The following CHN2 variants were observed in gnomAD, a reference collection of about 807,000 sequenced individuals.
CHN2 encodes the protein chimerin 2, also known as beta-chimaerin.
In CHN2, 35 loss-of-function variants were observed where a neutral mutation model predicts 56.3. That is an observed-to-expected ratio of 0.62 (90% CI 0.47 to 0.82). The LOEUF is 0.82. CHN2 is among the 40% of genes least tolerant of loss of function. The pLI, the probability that CHN2 is intolerant of heterozygous loss-of-function variation, is 0.00. For synonymous variants in CHN2, 210 were observed against 212.8 expected (o/e 0.99, Z 0.12); for missense variants, 491 against 580.5 (o/e 0.85, Z 1.58).
chr7:29,363,088 C>G (rs1432346498), intron 2 of CHN2, among the ~76,000 whole-genome samples: 1 of 152,182 alleles, frequency 6.6e-6, no homozygotes, highest in African/African-American at 2.4e-5. Flanking sequence ...GAGATGGCCC[C>G]TTTGACTCCT....
At chr7:29,186,049 T>C (rs1798668630) in intron 2 of CHN2, among the ~76,000 whole-genome samples, 1 of 152,210 alleles carries the variant, frequency 6.6e-6, no homozygotes, top group Non-Finnish European at 1.5e-5. Flanking sequence ...AAGTTCTAAC[T>C]ATGGAACTCT....
At chr7:29,355,093 C>G (rs149106969) in intron 2 of CHN2, among the ~76,000 whole-genome samples, 1 of 151,964 alleles carries the variant, frequency 6.6e-6, no homozygotes, top group Non-Finnish European at 1.5e-5. Flanking sequence ...CTCAGCCTCC[C>G]AAGTAGCTGA....
At chr7:29,405,936 C>T (rs564108770) in intron 6 of CHN2, among the ~76,000 whole-genome samples, 15 of 152,180 alleles carry the variant, frequency 9.9e-5, no homozygotes, top group Non-Finnish European at 2.1e-4. Flanking sequence ...GAGGCCGTGG[C>T]CAGGCCAAGG....
At chr7:29,261,270 G>A (rs760055365) in intron 1 of CHN2, among the ~76,000 whole-genome samples, 2 of 152,206 alleles carry the variant, frequency 1.3e-5, no homozygotes, top group Non-Finnish European at 2.9e-5. Flanking sequence ...AATGACCGGC[G>A]GAGGGGGTTG....
chr7:29,280,713 C>A (rs926814641), intron 1 of CHN2, among the ~76,000 whole-genome samples: 1 of 152,182 alleles, frequency 6.6e-6, no homozygotes, highest in Non-Finnish European at 1.5e-5. Context: ...GGAAAGCCTG[C>A]CAATGGTGTG....
intron 6 of CHN2, among the ~76,000 whole-genome samples, chr7:29,405,207 ACACACACACACACACG>A (rs1802548537): frequency 8.2e-6 from 1 of 122,274 alleles, no homozygotes; most frequent in African/African-American, 3.4e-5. Flanking sequence ...ACACACACAC[ACACACACACACACACG>A]GCAGTTCCAA....
intron 1 of CHN2, among the ~76,000 whole-genome samples, chr7:29,204,047 G>A (rs987814678): frequency 3.3e-5 from 5 of 149,632 alleles, no homozygotes; most frequent in South Asian, 2.1e-4. Context: ...AGGAAACAAA[G>A]CACACGTTTT....
chr7:29,405,970 C>T lies in CHN2; in HGVS notation c.576+5142C>T, dbSNP rs1429621859. Among the ~76,000 whole-genome samples, 6 of 152,316 alleles carry T rather than the reference C, an allele frequency of 3.9e-5. No individual in the cohort carries two copies. The East Asian group carries it at 1.2e-3, about 29-fold the overall frequency. ...GGAGTGAATGTCCAGCCCTCGCTTA[C>T]TGGCAGAAGTCTTCATACAAGGTTG... On this transcript the variant is annotated intron_variant, in intron 6 of 12. Transcript: ENST00000222792.
At chr7:29,437,597 CAAA>C (rs11436612) in intron 6 of CHN2, among the ~76,000 whole-genome samples, 3 of 52,604 alleles carry the variant, frequency 5.7e-5, no homozygotes, top group Non-Finnish European at 3.7e-5. Flanking sequence ...GACTCCGTCT[CAAA>C]AAAAAAAAAA....
chr7:29,420,988 A>T (rs1804285992), intron 6 of CHN2, among the ~76,000 whole-genome samples: 1 of 152,004 alleles, frequency 6.6e-6, no homozygotes, highest in Non-Finnish European at 1.5e-5. Flanking sequence ...TTTGGTAGAG[A>T]CGGGGTTTCG....
rs111942780 is a variant in CHN2, at chr7:29,231,867, T to C, written c.49+36877T>C. On this transcript the variant is annotated intron_variant, in intron 1 of 12. Transcript: ENST00000222792. ...TCATCACATGTGATCATGGTTCCTA[T>C]CTGAACAGATCATCTTACTAATTGA... 7.9e-3 allele frequency among the ~76,000 whole-genome samples: 1,196 copies of C among 152,350 alleles called. 15 individuals are homozygous for C. The highest frequency in any genetic ancestry group is 0.027 in the African/African-American group (1,125 of 41,578).
At chr7:29,497,725 A>C (rs1159073773) in intron 8 of CHN2, among the ~76,000 whole-genome samples, 11 of 152,184 alleles carry the variant, frequency 7.2e-5, no homozygotes, top group Admixed American at 6.5e-4. Flanking sequence ...TAAAAAATGG[A>C]GCATTTTTAC....
intron 7 of CHN2, among the ~76,000 whole-genome samples, chr7:29,489,705 G>C (rs1397894238): frequency 6.6e-6 from 1 of 152,212 alleles, no homozygotes; most frequent in African/African-American, 2.4e-5. Flanking sequence ...TGGGGACTGT[G>C]TGGGGACACT....
chr7:29,196,598 A>G (rs1440357350), intron 1 of CHN2, among the ~76,000 whole-genome samples: 1 of 152,242 alleles, frequency 6.6e-6, no homozygotes. Flanking sequence ...TGCCCACTAG[A>G]AAATGAACTG....
chr7:29,304,851 G>A (rs1288900165), intron 1 of CHN2, among the ~76,000 whole-genome samples: 2 of 152,194 alleles, frequency 1.3e-5, no homozygotes, highest in Non-Finnish European at 2.9e-5. Context: ...TCTGCATTTT[G>A]AAGGACACAA....
chr7:29,237,029 T>C (rs1369332627), intron 1 of CHN2, among the ~76,000 whole-genome samples: 3 of 152,196 alleles, frequency 2.0e-5, no homozygotes, highest in Non-Finnish European at 4.4e-5. Context: ...TGGACATCTT[T>C]AGTGCCATTA....
intron 2 of CHN2, among the ~76,000 whole-genome samples, chr7:29,367,462 T>C (rs981791849): frequency 1.3e-5 from 2 of 152,194 alleles, no homozygotes; most frequent in Admixed American, 1.3e-4. Context: ...GAATCAGTTA[T>C]GTCTTTGTCC....
chr7:29,458,885 A>G (rs1317253545), intron 6 of CHN2, among the ~76,000 whole-genome samples: 1 of 152,234 alleles, frequency 6.6e-6, no homozygotes, highest in Non-Finnish European at 1.5e-5. Context: ...TCCTTTCTGT[A>G]ATGATCCCAT....
At chr7:29,173,953 A>G (rs916657861) in intron 2 of CHN2, among the ~76,000 whole-genome samples, 2 of 151,902 alleles carry the variant, frequency 1.3e-5, no homozygotes, top group African/African-American at 4.8e-5. Flanking sequence ...CTGACTCAAA[A>G]AAAAAAAAAA....
Sources: gnomAD v4.1 joint callset for allele counts (sites outside exome capture counted in the v4.1 genomes callset) on GRCh38, gnomAD v4.1.1 for gene constraint, MANE v1.5 for transcripts, NCBI Gene and HGNC (gene_info 2026-07-23, HGNC 2026-07-21) for gene names.